SLC7A11: variants seen among roughly 807,000 people sequenced by gnomAD.
SLC7A11 encodes solute carrier family 7 member 11.
Under a neutral mutation model 54.5 loss-of-function variants are expected in SLC7A11, and 35 were observed. That is an observed-to-expected ratio of 0.64 (90% CI 0.49 to 0.85). The LOEUF (loss-of-function observed/expected upper bound fraction) is 0.85. Among genes scored for constraint, SLC7A11 ranks in the 40% least tolerant of loss-of-function variants. The pLI is 0.00. For missense variants in SLC7A11, 583 were observed against 618.1 expected (o/e 0.94, Z 0.60); for synonymous variants, 230 against 225.2 (o/e 1.02, Z -0.19).
At chr4:138,172,155 C>A in intron 11 of SLC7A11, 138 bp from the exon 12 acceptor site, 1 of 869,760 alleles carries the variant, frequency 1.1e-6, no homozygotes, top group South Asian at 2.2e-5. Flanking sequence ...GAATTATTTA[C>A]TTCATTAGAA....
intron 4 of SLC7A11, among the ~76,000 whole-genome samples, chr4:138,221,986 C>A (rs1737823919): frequency 6.6e-6 from 1 of 152,146 alleles, no homozygotes; most frequent in South Asian, 2.1e-4. Context: ...ATTATTGTGC[C>A]TACATTCCTA....
In SLC7A11 at chr4:138,169,057, GTTATT is replaced by G. The variant is rs1013325067; in HGVS notation, c.*2894_*2898del. 66 of 151,994 alleles carry G rather than the reference GTTATT, an allele frequency of 4.3e-4. 1 individual carries two copies. Among genetic ancestry groups the G allele is most frequent in the African/African-American group, 1.4e-3 (59 of 41,454 alleles). 9.4% of individuals were successfully genotyped at this position (151,994 alleles called of 1,614,324 possible). ...ACAAAAATTAAAAAATACTATATTA[GTTATT>G]TTAAACAGTATTCATTACTTTTACT... On this transcript the variant is annotated 3_prime_UTR_variant, in exon 12 of 12. Transcript: ENST00000280612.
At chr4:138,231,293 T>C (rs190508750) in intron 3 of SLC7A11, among the ~76,000 whole-genome samples, 1 of 152,248 alleles carries the variant, frequency 6.6e-6, no homozygotes, top group African/African-American at 2.4e-5. Context: ...CTACGCAATA[T>C]ATCCACGTAA....
At position 138,171,921 on chromosome 4, in the gene SLC7A11, C is replaced by T; in HGVS notation, c.*35G>A. On this transcript the variant is annotated 3_prime_UTR_variant, in exon 12 of 12. Coordinates refer to ENST00000280612, the MANE Select transcript of SLC7A11 (RefSeq NM_014331.4). ...TAAAAATCCCTATTTTGTGTCTCCC[C>T]TTGGGCAGATTGCCAAGATCTCAAG... is the stretch of plus-strand genomic sequence containing the variant. 6.4e-7 allele frequency: 1 copy of T among 1,570,652 alleles called. No homozygotes were observed. The highest frequency in any genetic ancestry group is 1.2e-5 in the South Asian group (1 of 81,944).
chr4:138,212,368 C>T (rs1166969981), intron 6 of SLC7A11, among the ~76,000 whole-genome samples: 2 of 151,720 alleles, frequency 1.3e-5, no homozygotes, highest in Non-Finnish European at 2.9e-5. Context: ...GTAATGACAA[C>T]CAAACAATTA....
At chr4:138,188,537 G>A (rs990695901) in intron 6 of SLC7A11, among the ~76,000 whole-genome samples, 3 of 152,168 alleles carry the variant, frequency 2.0e-5, no homozygotes, top group African/African-American at 7.2e-5. Flanking sequence ...GACTCCTTCA[G>A]AAGAGCTTGG....
intron 11 of SLC7A11, 152 bp from the exon 12 acceptor site, chr4:138,172,169 TA>T (rs1477228071): frequency 3.8e-6 from 3 of 799,994 alleles, no homozygotes; most frequent in African/African-American, 1.8e-5. Flanking sequence ...ATTAGAATTC[TA>T]TCATGCTCAA....
At chr4:138,229,179 ACT>A (rs1378485336) in intron 3 of SLC7A11, among the ~76,000 whole-genome samples, 1 of 152,066 alleles carries the variant, frequency 6.6e-6, no homozygotes, top group Non-Finnish European at 1.5e-5. Context: ...ATGCAATTCA[ACT>A]CTGTTTTCTA....
chr4:138,191,902 A>G, intron 6 of SLC7A11, among the ~76,000 whole-genome samples: 1 of 152,294 alleles, frequency 6.6e-6, no homozygotes, highest in African/African-American at 2.4e-5. Flanking sequence ...TCTAGTGTAC[A>G]AAAGCAAAAT....
intron 3 of SLC7A11, among the ~76,000 whole-genome samples, chr4:138,226,572 A>C (rs530460258): frequency 1.6e-5 from 2 of 122,808 alleles, no homozygotes; most frequent in East Asian, 3.9e-4. Context: ...GCAGCCAGCG[A>C]GAGGTACAGT....
At chr4:138,234,480 A>C (rs1188692748) in intron 2 of SLC7A11, among the ~76,000 whole-genome samples, 1 of 152,188 alleles carries the variant, frequency 6.6e-6, no homozygotes, top group Non-Finnish European at 1.5e-5. Flanking sequence ...TATGACAAAG[A>C]GATATATGAA....
At chr4:138,176,842 A>G (rs1252089358) in intron 11 of SLC7A11, 1 of 152,138 alleles carries the variant, frequency 6.6e-6, no homozygotes, top group Non-Finnish European at 1.5e-5. Context: ...AAGCAACCCT[A>G]ATGGTAAATG....
chr4:138,198,792 G>T (rs755813988), intron 6 of SLC7A11, among the ~76,000 whole-genome samples: 2 of 152,104 alleles, frequency 1.3e-5, no homozygotes, highest in Non-Finnish European at 2.9e-5. Context: ...CATTAGGAAT[G>T]TTTTCAATGT....
At chr4:138,230,904 G>A (rs1738061673) in intron 3 of SLC7A11, among the ~76,000 whole-genome samples, 1 of 152,036 alleles carries the variant, frequency 6.6e-6, no homozygotes, top group Non-Finnish European at 1.5e-5. Context: ...CTAAGTGAGG[G>A]GCTGGAAATA....
intron 6 of SLC7A11, among the ~76,000 whole-genome samples, chr4:138,191,950 C>T (rs562619496): frequency 6.6e-6 from 1 of 152,028 alleles, no homozygotes; most frequent in Admixed American, 6.6e-5. Context: ...ACTAAGAACA[C>T]AAAATATTTT....
chr4:138,187,511 T>C (rs1736907187), intron 6 of SLC7A11, among the ~76,000 whole-genome samples: 1 of 152,188 alleles, frequency 6.6e-6, no homozygotes, highest in Admixed American at 6.6e-5. Context: ...TTCAGGTGCA[T>C]ACACACCCTA....
chr4:138,212,104 C>A (rs141956316), intron 6 of SLC7A11, among the ~76,000 whole-genome samples: 3 of 151,736 alleles, frequency 2.0e-5, no homozygotes, highest in African/African-American at 7.3e-5. Context: ...CATTACACAT[C>A]GTATGCATGC....
chr4:138,211,740 A>C (rs1409124086), intron 6 of SLC7A11, among the ~76,000 whole-genome samples: 1 of 151,954 alleles, frequency 6.6e-6, no homozygotes, highest in Non-Finnish European at 1.5e-5. Flanking sequence ...GAAGCAACAT[A>C]GATTAACCTG....
Position 138,219,369 on chromosome 4 carries a change from T to G in SLC7A11, c.647-4A>C, listed in dbSNP as rs1737754005. On this transcript the variant is annotated splice_region_variant and splice_polypyrimidine_tract_variant and intron_variant, in intron 4 of 11. Coordinates refer to ENST00000280612, the MANE Select transcript of SLC7A11 (RefSeq NM_014331.4). ...TCTTTAAAGTTCTGCGTTTGACCTG[T>G]AATTAGAATAGACTGATTTTAGGAT... 1 of 1,525,514 alleles carries G rather than the reference T, an allele frequency of 6.6e-7. No individual in the cohort carries two copies. The highest frequency in any genetic ancestry group is 1.4e-5 in the African/African-American group (1 of 73,624). The allele number at this position is 1,525,514 out of a possible 1,614,324, so 94.5% of individuals were successfully genotyped here. A position where few individuals can be genotyped will look rare whatever the true frequency, so the allele number is the denominator to read the frequency against.
Sources: allele counts gnomAD v4.1 joint callset (sites outside exome capture counted in the v4.1 genomes callset), GRCh38; gene constraint gnomAD v4.1.1; transcripts MANE v1.5; gene names NCBI Gene and HGNC (gene_info 2026-07-23, HGNC 2026-07-21).